The following USP40 variants were observed in gnomAD, a reference collection of about 807,000 sequenced individuals.
USP40 encodes ubiquitin carboxyl-terminal hydrolase 40.
A neutral mutation model predicts 166.2 loss-of-function variants in USP40; 143 were observed. The observed-to-expected ratio is 0.86, with a 90% CI of 0.75 to 0.99. The LOEUF is 0.99. USP40 is among the 50% of genes least tolerant of loss of function. The pLI is 0.00. For synonymous variants in USP40, 498 were observed against 524.0 expected, an observed-to-expected ratio of 0.95 and a Z score of 0.68; for missense variants, 1,444 against 1,479.7, an observed-to-expected ratio of 0.98 and a Z score of 0.40.
chr2:233,521,185 T>C, intron 16 of USP40, 71 bp from the exon 17 acceptor site: 1 of 1,505,680 alleles, frequency 6.6e-7, no homozygotes, highest in South Asian at 1.3e-5. Flanking sequence ...TCTGCATGTG[T>C]CACTTAATGT....
chr2:233,503,445 T>G (rs1285594267), intron 21 of USP40, among the ~76,000 whole-genome samples: 1 of 152,044 alleles, frequency 6.6e-6, no homozygotes, highest in Non-Finnish European at 1.5e-5. Flanking sequence ...CCAATTAGAT[T>G]CAACACAAAA....
At chr2:233,551,570 G>T in intron 6 of USP40, 51 bp from the exon 7 acceptor site, 1 of 1,506,304 alleles carries the variant, frequency 6.6e-7, no homozygotes, top group South Asian at 1.3e-5. Flanking sequence ...TTATATAAAA[G>T]GATACATAAT....
Position 233,566,578 on chromosome 2 carries a change from C to T in USP40, c.-20+106G>A, listed in dbSNP as rs542517424. Reference sequence around the variant, plus strand: ...TCCAGGAGAGCGCCGCGTCCTCAGGCAGGCCTGGGCAGCCTCTCGCCTCGC... The same window carrying T: ...TCCAGGAGAGCGCCGCGTCCTCAGGTAGGCCTGGGCAGCCTCTCGCCTCGC... On this transcript the variant is annotated intron_variant, in intron 1 of 31. Coordinates refer to ENST00000678225, the MANE Select transcript of USP40 (RefSeq NM_001365479.2). 102 of 637,442 alleles carry T rather than the reference C, an allele frequency of 1.6e-4. 2 individuals are homozygous for T. The South Asian group carries it at 5.2e-3, about 32-fold the overall frequency. The allele number at this position is 637,442 out of a possible 1,614,324, so 39.5% of individuals were successfully genotyped here.
intron 23 of USP40, 125 bp downstream of exon 23, chr2:233,498,423 A>C: frequency 1.2e-6 from 1 of 829,996 alleles, no homozygotes; most frequent in South Asian, 1.9e-5. Context: ...AAATAGACCC[A>C]TTCATAGATA....
intron 21 of USP40, among the ~76,000 whole-genome samples, chr2:233,508,232 A>G (rs1469285362): frequency 6.6e-6 from 1 of 152,230 alleles, no homozygotes; most frequent in Non-Finnish European, 1.5e-5. Flanking sequence ...CAAATATCCA[A>G]CTAATGTTCA....
At chr2:233,558,111 T>G (rs1274789219) in intron 4 of USP40, among the ~76,000 whole-genome samples, 1 of 151,346 alleles carries the variant, frequency 6.6e-6, no homozygotes, top group Non-Finnish European at 1.5e-5. Context: ...CTCAAGGATG[T>G]AATTTATCTA....
At chr2:233,491,622 G>C (rs1173434568) in intron 25 of USP40, among the ~76,000 whole-genome samples, 5 of 150,092 alleles carry the variant, frequency 3.3e-5, no homozygotes, top group Non-Finnish European at 5.9e-5. Flanking sequence ...GTGTGTGTGT[G>C]TGTGTGTGTG....
Position 233,565,340 on chromosome 2 carries a change from AC to A in USP40, c.199+15del, listed in dbSNP as rs2072044873. The A allele has an allele frequency of 6.6e-7, 1 of 1,511,096 alleles. No individual in the cohort carries two copies. The highest frequency in any genetic ancestry group is 1.4e-5 in the African/African-American group (1 of 72,390). The allele number at this position is 1,511,096 out of a possible 1,614,324, so 93.6% of individuals were successfully genotyped here. A position where few individuals can be genotyped will look rare whatever the true frequency, so the allele number is the denominator to read the frequency against. The stretch of plus-strand genomic sequence containing the variant: ...ATGGTACATATTGCTAGTTAAATGT[AC>A]GTAACATAGCATACCTCTGAATTCA... On this transcript the variant is annotated intron_variant, in intron 2 of 31. Transcript: ENST00000678225.
At position 233,479,390 on chromosome 2, in the gene USP40, T is replaced by C. The variant is rs185629075; in HGVS notation, c.3599+1813A>G. On this transcript the variant is annotated intron_variant, in intron 31 of 31. Transcript: ENST00000678225. ...CCATCCTGGCCAACATGGTGAAACC[T>C]CGTCTCTACTAAAAATACAAAAATT... Among the ~76,000 whole-genome samples, 39 of 152,160 alleles carry C rather than the reference T, an allele frequency of 2.6e-4. No individual in the cohort carries two copies. In the East Asian group the frequency reaches 5.4e-3, roughly 21 times the overall value.
Position 233,556,864 on chromosome 2 carries a change from G to A in USP40, c.537C>T (p.Ser179=), listed in dbSNP as rs201030790. ...QIVCKECKNV[S]ERQEDFLDLT... is the part of the protein sequence containing the mutation. ...ACTCTGGCATATTTACCTGCCTCTC[G>A]CTAACGTTCTTACATTCTTTACAAA... The change falls in exon 5 of 32, where the codon AGC becomes AGT. Residue 179 remains serine (S), a synonymous_variant. Transcript: ENST00000678225. 6.2e-5 allele frequency: 100 copies of A among 1,606,746 alleles called. No individual in the cohort carries two copies. The highest frequency in any genetic ancestry group is 3.6e-4 in the South Asian group (32 of 88,726).
At chr2:233,485,088 C>T (rs913319104) in intron 30 of USP40, among the ~76,000 whole-genome samples, 1 of 152,148 alleles carries the variant, frequency 6.6e-6, no homozygotes, top group Non-Finnish European at 1.5e-5. Context: ...GTCATGAACA[C>T]TGGGTTTTTA....
At chr2:233,481,640 G>A (rs943336951) in intron 30 of USP40, 17 of 285,988 alleles carry the variant, frequency 5.9e-5, no homozygotes, top group African/African-American at 2.9e-4. Flanking sequence ...TCATCGCCGC[G>A]CCAGAAGCAC....
intron 18 of USP40, among the ~76,000 whole-genome samples, chr2:233,517,391 T>A (rs1018216884): frequency 2.7e-5 from 4 of 146,802 alleles, no homozygotes; most frequent in African/African-American, 1.0e-4. Context: ...TTTTTGTTTT[T>A]TTTTTTTTTT....
chr2:233,560,799 A>ATTTTTTTTTT, intron 3 of USP40: 4 of 458,526 alleles, frequency 8.7e-6, no homozygotes, highest in African/African-American at 2.0e-5. Context: ...ACTAGCCTCT[A>ATTTTTTTTTT]TTTTTTTTTG....
chr2:233,536,077 G>A (rs2068913633), intron 10 of USP40, among the ~76,000 whole-genome samples: 1 of 151,880 alleles, frequency 6.6e-6, no homozygotes, highest in Non-Finnish European at 1.5e-5. Flanking sequence ...AAAGAAACAG[G>A]ACAATGTTAT....
At chr2:233,552,803 G>A (rs528422969) in intron 6 of USP40, among the ~76,000 whole-genome samples, 6 of 152,282 alleles carry the variant, frequency 3.9e-5, no homozygotes, top group African/African-American at 9.6e-5. Flanking sequence ...TACAAAATCA[G>A]TATTGTGTAT....
At chr2:233,485,023 C>T (rs1284275702) in intron 30 of USP40, among the ~76,000 whole-genome samples, 1 of 152,142 alleles carries the variant, frequency 6.6e-6, no homozygotes, top group Non-Finnish European at 1.5e-5. Flanking sequence ...GGTATATGTG[C>T]ATCAGGTTAA....
In USP40 at chr2:233,533,521, T is replaced by G. The variant is rs1349670651; in HGVS notation, c.1429A>C (p.Met477Leu). 2 of 1,613,818 alleles carry G rather than the reference T, an allele frequency of 1.2e-6. No homozygotes were observed. The highest frequency in any genetic ancestry group is 3.3e-5 in the Admixed American group (2 of 59,998). The change falls in exon 11 of 32, where the codon ATG (methionine) becomes CTG (leucine). Residue 477 changes from methionine (M) to leucine (L), a missense_variant. Physicochemically the swap from Met to Leu is conservative, Grantham distance 15. Transcript: ENST00000678225. ...AACTGGGATTTCCGATAAAACAACA[T>G]GTAGGCACTTTCTTTACCCTGAAAT... Reference protein sequence around the residue: ...QQFQGKESAYMLFYRKSQLQR... With the variant: ...QQFQGKESAYLLFYRKSQLQR...
chr2:233,479,746 G>A (rs1236033336), intron 31 of USP40, among the ~76,000 whole-genome samples: 1 of 152,000 alleles, frequency 6.6e-6, no homozygotes, highest in Non-Finnish European at 1.5e-5. Flanking sequence ...ACCAGGACCT[G>A]AGGGCTGCAG....
Sources: gnomAD v4.1 joint callset for allele counts (sites outside exome capture counted in the v4.1 genomes callset) on GRCh38, gnomAD v4.1.1 for gene constraint, MANE v1.5 for transcripts, NCBI Gene and HGNC (gene_info 2026-07-23, HGNC 2026-07-21) for gene names.